The following CDKL5 variants were observed in gnomAD, a reference collection of about 807,000 sequenced individuals.
CDKL5 encodes cyclin dependent kinase like 5.
A neutral mutation model predicts 61.7 loss-of-function variants in CDKL5; 8 were observed. The observed-to-expected ratio is 0.13, with a 90% confidence interval of 0.08 to 0.23. CDKL5 has a LOEUF of 0.23. Among genes scored for constraint, CDKL5 ranks in the 10% least tolerant of loss-of-function variants. The pLI, the probability that CDKL5 is intolerant of heterozygous loss-of-function variation, is 1.00. For synonymous variants in CDKL5, 275 were observed against 272.3 expected, an observed-to-expected ratio of 1.01 and a Z score of -0.10; for missense variants, 440 against 734.5, an observed-to-expected ratio of 0.60 and a Z score of 4.63.
chrX:18,614,779 T>C (rs1037056301), intron 15 of CDKL5, among the ~76,000 whole-genome samples: 4 of 112,453 alleles, frequency 3.6e-5, no homozygotes, highest in African/African-American at 9.7e-5. Flanking sequence ...GACCATTTTC[T>C]GGTGTGGCTT....
chrX:18,609,656 C>T lies in CDKL5; in HGVS notation c.2152+86C>T, dbSNP rs768334658. 1.2e-4 allele frequency: 137 copies of T among 1,166,655 alleles called. No individual in the cohort carries two copies. In the East Asian group the frequency reaches 3.9e-3, roughly 34 times the overall value. On this transcript the variant is annotated intron_variant, in intron 14 of 17. Transcript: ENST00000623535. ...CACTGCTTTCACCGACTCAGGCCAG[C>T]GGCCTTCTCACCTACACTGTCGCCT...
rs1387422044 is a variant in CDKL5, at chrX:18,484,580, G to A, written c.-162-22355G>A. On this transcript the variant is annotated intron_variant, in intron 1 of 17. Transcript: ENST00000623535. ...TGATCCACCTATCTTGGTCTCCCAA[G>A]GTGCTGGGATTACAGGCATGAGCCA... Among the ~76,000 whole-genome samples the A allele has an allele frequency of 2.7e-5, 3 of 110,849 alleles. No individual in the cohort carries two copies. In the Admixed American group the frequency reaches 2.9e-4, roughly 11 times the overall value.
chrX:18,507,463 T>TTTTTC (rs1423323053), intron 2 of CDKL5, among the ~76,000 whole-genome samples: 1 of 109,354 alleles, frequency 9.1e-6, no homozygotes, highest in African/African-American at 3.3e-5. Context: ...TTTTTTTTTT[T>TTTTTC]TTAGCAATCA....
chrX:18,476,780 T>C (rs1047314639), intron 1 of CDKL5, among the ~76,000 whole-genome samples: 2 of 112,400 alleles, frequency 1.8e-5, no homozygotes, highest in South Asian at 3.6e-4. Flanking sequence ...GAATCTTTTT[T>C]TTTTTGAGAC....
intron 1 of CDKL5, among the ~76,000 whole-genome samples, chrX:18,500,984 A>G (rs768634802): frequency 4.5e-5 from 5 of 110,291 alleles, no homozygotes; most frequent in East Asian, 2.9e-4. Flanking sequence ...GACTACAGGC[A>G]CCCACCATCA....
At chrX:18,579,102 G>C (rs1301379248) in intron 5 of CDKL5, among the ~76,000 whole-genome samples, 1 of 111,652 alleles carries the variant, frequency 9.0e-6, no homozygotes, top group African/African-American at 3.3e-5. Flanking sequence ...TACACTTTGA[G>C]AACTGCTGTC....
In CDKL5 at chrX:18,633,782, C is replaced by T; in HGVS notation, c.*5025C>T. 1 of 753,818 alleles carries T rather than the reference C, an allele frequency of 1.3e-6. No homozygotes were observed. The highest frequency in any genetic ancestry group is 1.6e-6 in the Non-Finnish European group (1 of 639,163). 62.1% of individuals were successfully genotyped at this position (753,818 alleles called of 1,213,427 possible). ...AGTTACTACATGAATCTTCATTTCC[C>T]ACAGTGGTTTGTTCATTCATCAGCG... On this transcript the variant is annotated 3_prime_UTR_variant, in exon 18 of 18. Coordinates refer to ENST00000623535, the MANE Select transcript of CDKL5 (RefSeq NM_001323289.2).
At chrX:18,641,421 G>A (rs1257590767), downstream of CDKL5, 1 of 114,850 alleles carries the variant, frequency 8.7e-6, no homozygotes, top group East Asian at 2.7e-4. Flanking sequence ...TGGGCTTTTG[G>A]TCATTTGTCA....
chrX:18,441,759 G>A (rs372616326), intron 1 of CDKL5, among the ~76,000 whole-genome samples: 1 of 111,468 alleles, frequency 9.0e-6, no homozygotes, highest in South Asian at 3.8e-4. Flanking sequence ...TCTCCCCTTC[G>A]AAGTGTGCTT....
chrX:18,561,987 A>G (rs1310386717), intron 3 of CDKL5, among the ~76,000 whole-genome samples: 1 of 111,836 alleles, frequency 8.9e-6, no homozygotes, highest in East Asian at 2.8e-4. Context: ...TTCAACAACA[A>G]CAAAACTCTA....
intron 3 of CDKL5, among the ~76,000 whole-genome samples, chrX:18,534,361 A>G (rs958836641): frequency 9.0e-6 from 1 of 111,656 alleles, no homozygotes; most frequent in African/African-American, 3.3e-5. Context: ...TCTATGATAT[A>G]TATTTTTCCT....
chrX:18,464,081 C>T (rs933862035), intron 1 of CDKL5, among the ~76,000 whole-genome samples: 12 of 109,064 alleles, frequency 1.1e-4, no homozygotes, highest in African/African-American at 4.0e-4. Flanking sequence ...TTCTTCCTAC[C>T]TGATTTGAAT....
intron 1 of CDKL5, among the ~76,000 whole-genome samples, chrX:18,493,572 C>G (rs1200982325): frequency 4.5e-5 from 5 of 112,289 alleles, no homozygotes; most frequent in Non-Finnish European, 9.4e-5. Context: ...TGAAATTTAT[C>G]CAGGTCAATG....
intron 10 of CDKL5, among the ~76,000 whole-genome samples, chrX:18,597,155 T>C (rs1926023530): frequency 9.0e-6 from 1 of 110,913 alleles, no homozygotes; most frequent in African/African-American, 3.3e-5. Context: ...TTCCGACTTC[T>C]GTCACCAAAG....
At chrX:18,617,718 C>G (rs1332330503) in intron 15 of CDKL5, among the ~76,000 whole-genome samples, 1 of 112,095 alleles carries the variant, frequency 8.9e-6, no homozygotes, top group African/African-American at 3.2e-5. Flanking sequence ...TTTGGTGATG[C>G]AAACACACGC....
At chrX:18,605,921 C>T (rs1352949588) in intron 12 of CDKL5, among the ~76,000 whole-genome samples, 2 of 112,093 alleles carry the variant, frequency 1.8e-5, no homozygotes, top group Admixed American at 9.4e-5. Context: ...CAGTGGCTCA[C>T]GCCTGTAATC....
At chrX:18,651,972 G>A (rs1371680850) in intron 21 of CDKL5, among the ~76,000 whole-genome samples, 2 of 110,016 alleles carry the variant, frequency 1.8e-5, no homozygotes, top group Non-Finnish European at 3.8e-5. Context: ...CCATGCCTCA[G>A]CCTTCAGATC....
At chrX:18,536,044 T>G (rs1331592494) in intron 3 of CDKL5, 1 of 112,374 alleles carries the variant, frequency 8.9e-6, no homozygotes, top group African/African-American at 3.2e-5. Context: ...ACAGAGTTCT[T>G]AAACAAAAGC....
chrX:18,609,347 T>A, intron 13 of CDKL5, 118 bp from the exon 14 acceptor site: 2 of 1,144,370 alleles, frequency 1.7e-6, no homozygotes, highest in Middle Eastern at 3.1e-4. Flanking sequence ...TAAGCCATGA[T>A]CCTACTACTG....
Sources: gnomAD v4.1 joint callset for allele counts (sites outside exome capture counted in the v4.1 genomes callset) on GRCh38, gnomAD v4.1.1 for gene constraint, MANE v1.5 for transcripts, NCBI Gene and HGNC (gene_info 2026-07-23, HGNC 2026-07-21) for gene names.